PILRA: variants seen among roughly 807,000 people sequenced by gnomAD.
The protein encoded by PILRA is paired immunoglobin like type 2 receptor alpha.
Under a neutral mutation model 33.1 loss-of-function variants are expected in PILRA, and 37 were observed. The ratio of observed to expected loss-of-function variants is 1.12; its 90% CI spans 0.86 to 1.47. The LOEUF is 1.47. PILRA is among the 40% of genes most tolerant of loss of function. The pLI is 0.00. For synonymous variants in PILRA, 146 were observed against 149.9 expected, an observed-to-expected ratio of 0.97 and a Z score of 0.19; for missense variants, 312 against 376.2, an observed-to-expected ratio of 0.83 and a Z score of 1.41.
At chr7:100,381,813 C>G (rs970168484) in intron 2 of PILRA, among the ~76,000 whole-genome samples, 2 of 152,204 alleles carry the variant, frequency 1.3e-5, no homozygotes, top group Non-Finnish European at 2.9e-5. Flanking sequence ...TGGCGGGCCC[C>G]GCACTCGGAG....
intron 2 of PILRA, among the ~76,000 whole-genome samples, chr7:100,375,311 C>T (rs896908750): frequency 6.6e-6 from 1 of 152,162 alleles, no homozygotes; most frequent in Non-Finnish European, 1.5e-5. Context: ...CTAGTGAACC[C>T]TCACCAAGAC....
At chr7:100,396,733 G>A (rs1210517092) in intron 3 of PILRA, among the ~76,000 whole-genome samples, 1 of 152,028 alleles carries the variant, frequency 6.6e-6, no homozygotes, top group African/African-American at 2.4e-5. Context: ...GTGAAATAAG[G>A]CAGTCACAAA....
chr7:100,375,759 C>T (rs1790931370), intron 2 of PILRA, among the ~76,000 whole-genome samples: 1 of 152,024 alleles, frequency 6.6e-6, no homozygotes, highest in African/African-American at 2.4e-5. Flanking sequence ...AACAAACAAA[C>T]ACAATGAAAG....
chr7:100,382,660 C>T (rs1462963346), intron 2 of PILRA, among the ~76,000 whole-genome samples: 2 of 152,236 alleles, frequency 1.3e-5, no homozygotes, highest in African/African-American at 4.8e-5. Context: ...GGCTGCCCCC[C>T]TGAGCAGTAT....
At chr7:100,379,114 A>C (rs1302091879) in intron 2 of PILRA, among the ~76,000 whole-genome samples, 1 of 149,918 alleles carries the variant, frequency 6.7e-6, no homozygotes, top group Non-Finnish European at 1.5e-5. Context: ...AAAAAAAAGT[A>C]ATGCATAGGC....
At chr7:100,393,251 G>T (rs1255666769) in intron 3 of PILRA, among the ~76,000 whole-genome samples, 1 of 151,532 alleles carries the variant, frequency 6.6e-6, no homozygotes, top group African/African-American at 2.4e-5. Flanking sequence ...CTGCACTCCA[G>T]CCTGGGTGAT....
upstream of PILRA, chr7:100,373,475 G>A: frequency 1.5e-6 from 1 of 665,892 alleles, no homozygotes; most frequent in Non-Finnish European, 2.6e-6. Flanking sequence ...ATGGATAAAG[G>A]AAGTGCTGGT....
At chr7:100,393,424 G>T (rs1036444198) in intron 3 of PILRA, among the ~76,000 whole-genome samples, 13 of 152,102 alleles carry the variant, frequency 8.5e-5, no homozygotes, top group Non-Finnish European at 1.9e-4. Context: ...TGAGGAAATG[G>T]GAAGTGGAGT....
chr7:100,378,002 A>T (rs755562650), intron 2 of PILRA, among the ~76,000 whole-genome samples: 6 of 152,142 alleles, frequency 3.9e-5, no homozygotes, highest in Non-Finnish European at 4.4e-5. Context: ...TAACTTTATC[A>T]CATTTCAATG....
In PILRA at chr7:100,378,207, C is replaced by T. The variant is rs1022405512; in HGVS notation, c.454+3774C>T. 4.0e-5 allele frequency among the ~76,000 whole-genome samples: 6 copies of T among 151,632 alleles called. No individual in the cohort carries two copies. In the East Asian group the frequency reaches 9.7e-4, roughly 24 times the overall value. ...CTCTAAAAAAAAAAAAAAAAATTAGCCAGTTGTGGTAGTGCACACCTATGG... is the reference window on the plus strand; with the variant it reads ...CTCTAAAAAAAAAAAAAAAAATTAGTCAGTTGTGGTAGTGCACACCTATGG... On this transcript the variant is annotated intron_variant, in intron 2 of 6. Coordinates refer to ENST00000198536, the MANE Select transcript of PILRA (RefSeq NM_013439.3).
At position 100,389,989 on chromosome 7, in the gene PILRA, C is replaced by G. The variant is rs761680244; in HGVS notation, c.556C>G (p.Arg186Gly). The G allele has an allele frequency of 4.3e-6, 7 of 1,614,102 alleles. No homozygotes were observed. Among genetic ancestry groups the G allele is most frequent in the Non-Finnish European group, 5.9e-6 (7 of 1,179,996 alleles). ...TGLRVTQGKRRSDSWHISLET... is the reference protein window; with the variant it reads ...TGLRVTQGKRGSDSWHISLET... The stretch of plus-strand genomic sequence containing the variant: ...CCTCAGGGTCACACAGGGCAAACGA[C>G]GCTCAGACTCTTGGCACATAAGTCT... The change falls in exon 3 of 7, where the codon CGC becomes GGC. Residue 186 changes from arginine to glycine, a missense_variant. Transcript: ENST00000198536.
intron 3 of PILRA, 83 bp downstream of exon 3, chr7:100,390,189 A>G (rs933717726): frequency 2.5e-6 from 3 of 1,214,200 alleles, no homozygotes; most frequent in Non-Finnish European, 3.6e-6. Context: ...GGGCTCCTGA[A>G]ATATGCAGAC....
intron 2 of PILRA, 75 bp downstream of exon 2, chr7:100,374,508 A>C: frequency 6.4e-7 from 1 of 1,569,026 alleles, no homozygotes; most frequent in Non-Finnish European, 8.7e-7. Context: ...CATCGTCCCC[A>C]GCACCTCAGA....
chr7:100,390,388 T>C (rs1791365695), intron 3 of PILRA, among the ~76,000 whole-genome samples: 1 of 151,978 alleles, frequency 6.6e-6, no homozygotes, highest in South Asian at 2.1e-4. Flanking sequence ...TGAAGGTTCC[T>C]GGGGAGGAGA....
intron 3 of PILRA, among the ~76,000 whole-genome samples, chr7:100,395,069 G>A (rs1485043361): frequency 2.0e-5 from 3 of 152,178 alleles, no homozygotes; most frequent in African/African-American, 4.8e-5. Context: ...TTATATATCT[G>A]ATAAGGAGTG....
chr7:100,373,324 C>T (rs1409805219), upstream of PILRA: 84 of 517,896 alleles, frequency 1.6e-4, no homozygotes, highest in Non-Finnish European at 1.7e-5. Flanking sequence ...TGGGAGGGGC[C>T]CAGCCAGCCA....
intron 3 of PILRA, among the ~76,000 whole-genome samples, 179 bp downstream of exon 3, chr7:100,390,285 G>A (rs764259775): frequency 5.3e-5 from 8 of 152,082 alleles, no homozygotes; most frequent in African/African-American, 1.2e-4. Flanking sequence ...GCAGTGGGGC[G>A]GGGCAGGGTC....
chr7:100,373,499 C>T lies in PILRA; in HGVS notation c.-158C>T, dbSNP rs1178207870. The T allele has an allele frequency of 2.9e-5, 22 of 747,722 alleles. 1 individual carries two copies. The highest frequency in any genetic ancestry group is 8.7e-5 in the African/African-American group (5 of 57,362). 46.3% of individuals were successfully genotyped at this position (747,722 alleles called of 1,614,324 possible). A position where few individuals can be genotyped will look rare whatever the true frequency, so the allele number is the denominator to read the frequency against. ...GGAAGTGCTGGTCACCCTGGAGGTG[C>T]ACTGGTTTGGGGAAGGCTCCTGGCC... On this transcript the variant is annotated 5_prime_UTR_variant, in exon 1 of 7. Coordinates refer to ENST00000198536, the MANE Select transcript of PILRA (RefSeq NM_013439.3).
intron 4 of PILRA, among the ~76,000 whole-genome samples, chr7:100,398,224 T>C (rs1427901273): frequency 2.0e-5 from 3 of 152,150 alleles, no homozygotes; most frequent in Admixed American, 6.5e-5. Flanking sequence ...CTTTTCCTGC[T>C]CTTTACCTGC....
Sources: allele counts gnomAD v4.1 joint callset (sites outside exome capture counted in the v4.1 genomes callset), GRCh38; gene constraint gnomAD v4.1.1; transcripts MANE v1.5; gene names NCBI Gene and HGNC (gene_info 2026-07-23, HGNC 2026-07-21).